The following SCRG1 variants were observed in gnomAD, a reference collection of about 807,000 sequenced individuals.
The protein encoded by SCRG1 is scrapie-responsive protein 1.
In SCRG1, 3 loss-of-function variants were observed where a neutral mutation model predicts 7.7. The observed-to-expected ratio is 0.39, with a 90% CI of 0.18 to 1.01. The LOEUF (loss-of-function observed/expected upper bound fraction) is 1.01. Ranked by LOEUF, SCRG1 falls within the 50% of genes least tolerant of loss-of-function variation. The probability of loss-of-function intolerance (pLI) is 0.36; values close to 1 mark genes in which losing one functional copy is unlikely to be tolerated. For missense variants in SCRG1, 110 were observed against 117.2 expected, an observed-to-expected ratio of 0.94 and a Z score of 0.28; for synonymous variants, 46 against 41.2, an observed-to-expected ratio of 1.12 and a Z score of -0.44.
the SCRG1 span, chr4:173,468,516 G>A: frequency 1.3e-5 from 2 of 152,198 alleles, no homozygotes; most frequent in Non-Finnish European, 2.9e-5. Context: ...TGAAGAAAGA[G>A]CACCCTCTGG....
chr4:173,412,254 T>C, the SCRG1 span, among the ~76,000 whole-genome samples: 2 of 152,342 alleles, frequency 1.3e-5, no homozygotes, highest in African/African-American at 2.4e-5. Context: ...CTACCTGCAG[T>C]AACATCATGC....
the SCRG1 span, among the ~76,000 whole-genome samples, chr4:173,506,093 G>A: frequency 7.0e-3 from 1,063 of 152,288 alleles, 4 homozygotes; most frequent in Non-Finnish European, 0.01. This position sits in a 1 kb window ranked among gnomAD's most constrained non-coding sequence, Gnocchi z 5.3. Flanking sequence ...GCGAATTTCA[G>A]TTTAAATCTC....
the SCRG1 span, among the ~76,000 whole-genome samples, chr4:173,416,911 AACACACACACACACACACACAC>A: frequency 2.6e-4 from 32 of 125,238 alleles, no homozygotes; most frequent in South Asian, 1.7e-3. Flanking sequence ...CACACACCCA[AACACACACACACACACACACAC>A]ACACACACAC....
At chr4:173,432,971 G>T in the SCRG1 span, among the ~76,000 whole-genome samples, 4 of 152,152 alleles carry the variant, frequency 2.6e-5, no homozygotes, top group African/African-American at 9.7e-5. Flanking sequence ...TAATGGTGTG[G>T]TAAAGGGCAG....
chr4:173,507,097 C>T, the SCRG1 span, among the ~76,000 whole-genome samples: 4 of 152,230 alleles, frequency 2.6e-5, no homozygotes, highest in African/African-American at 4.8e-5. The surrounding 1 kb of genome is among the most constrained non-coding windows in gnomAD (Gnocchi z 4.4). Context: ...AATTGCCACT[C>T]ATCCGGTCTG....
chr4:173,448,686 CTTAAT>C, the SCRG1 span, among the ~76,000 whole-genome samples: 1 of 152,108 alleles, frequency 6.6e-6, no homozygotes, highest in Non-Finnish European at 1.5e-5. Flanking sequence ...TTACACACAT[CTTAAT>C]TTGTGGATTT....
the SCRG1 span, among the ~76,000 whole-genome samples, chr4:173,509,570 G>A: frequency 6.6e-6 from 1 of 152,190 alleles, no homozygotes; most frequent in Admixed American, 6.5e-5. The surrounding 1 kb of genome is among the most constrained non-coding windows in gnomAD (Gnocchi z 5.7). Flanking sequence ...CGGCTGCCGG[G>A]CAAAAACCTC....
At chr4:173,483,721 G>GATATA in the SCRG1 span, among the ~76,000 whole-genome samples, 4 of 916 alleles carry the variant, frequency 4.4e-3, 2 homozygotes, top group African/African-American at 5.6e-3. Flanking sequence ...ATATTATATT[G>GATATA]TGATATATCA....
chr4:173,403,006 AAG>A (rs1406799691), upstream of SCRG1: 2 of 150,844 alleles, frequency 1.3e-5, no homozygotes, highest in African/African-American at 5.0e-5. Flanking sequence ...AACTCAGTAA[AAG>A]AGTTTCCTCT....
At chr4:173,408,853 T>C (rs1476996061), upstream of SCRG1, among the ~76,000 whole-genome samples, 3 of 151,428 alleles carry the variant, frequency 2.0e-5, no homozygotes, top group Non-Finnish European at 4.4e-5. Flanking sequence ...ATTAGCCGGA[T>C]GTGGTGGCGG....
At chr4:173,511,012 G>A in the SCRG1 span, among the ~76,000 whole-genome samples, 1 of 152,132 alleles carries the variant, frequency 6.6e-6, no homozygotes, top group South Asian at 2.1e-4. This position sits in a 1 kb window ranked among gnomAD's most constrained non-coding sequence, Gnocchi z 5.2. Context: ...TGTCTCCTAG[G>A]GTGGAGTGCA....
chr4:173,510,076 T>A, the SCRG1 span, among the ~76,000 whole-genome samples: 1 of 152,212 alleles, frequency 6.6e-6, no homozygotes, highest in African/African-American at 2.4e-5. This position sits in a 1 kb window ranked among gnomAD's most constrained non-coding sequence, Gnocchi z 5.7. Flanking sequence ...CTGGTAATGC[T>A]TCTCTCATGC....
chr4:173,406,844 G>C (rs1304438552), upstream of SCRG1, among the ~76,000 whole-genome samples: 1 of 152,058 alleles, frequency 6.6e-6, no homozygotes, highest in Non-Finnish European at 1.5e-5. Context: ...CCATTGTATA[G>C]ATATACCAGT....
At chr4:173,492,169 A>C in the SCRG1 span, among the ~76,000 whole-genome samples, 3 of 151,760 alleles carry the variant, frequency 2.0e-5, no homozygotes, top group African/African-American at 7.3e-5. Context: ...GGACAATATA[A>C]AATCAAGTAT....
chr4:173,458,465 G>A, the SCRG1 span, among the ~76,000 whole-genome samples: 2 of 151,938 alleles, frequency 1.3e-5, no homozygotes, highest in African/African-American at 2.4e-5. Flanking sequence ...TTCCAAACAA[G>A]CAAAAGCTGA....
the SCRG1 span, among the ~76,000 whole-genome samples, chr4:173,499,978 G>C: frequency 1.3e-5 from 2 of 152,184 alleles, no homozygotes; most frequent in African/African-American, 4.8e-5. The surrounding 1 kb of genome is among the most constrained non-coding windows in gnomAD (Gnocchi z 4.1). Context: ...AAGTACTACA[G>C]ACATTAAAAC....
the SCRG1 span, among the ~76,000 whole-genome samples, chr4:173,497,959 C>A: frequency 6.6e-6 from 1 of 152,170 alleles, no homozygotes; most frequent in East Asian, 1.9e-4. Context: ...GGATTACAGG[C>A]GTGAACCACT....
At chr4:173,420,757 A>G in the SCRG1 span, among the ~76,000 whole-genome samples, 1 of 152,196 alleles carries the variant, frequency 6.6e-6, no homozygotes, top group Non-Finnish European at 1.5e-5. Flanking sequence ...TTAGGGCAGA[A>G]AGTGTTGGCT....
chr4:173,512,772 A>T, the SCRG1 span, among the ~76,000 whole-genome samples: 2 of 152,106 alleles, frequency 1.3e-5, no homozygotes, highest in African/African-American at 4.8e-5. Context: ...AGTCAAGGTC[A>T]CTCACAGTCT....
Sources: gnomAD v4.1 joint callset for allele counts (sites outside exome capture counted in the v4.1 genomes callset) on GRCh38, gnomAD v4.1.1 for gene constraint, Gnocchi (gnomAD v3.1) non-coding constraint, MANE v1.5 for transcripts, NCBI Gene and HGNC (gene_info 2026-07-23, HGNC 2026-07-21) for gene names.